Variants in SEMA6D observed in about 807,000 individuals in gnomAD.
SEMA6D encodes the protein semaphorin 6D.
A neutral mutation model predicts 106.6 loss-of-function variants in SEMA6D; 35 were observed. The observed-to-expected ratio is 0.33, with a 90% CI of 0.25 to 0.44. The LOEUF is 0.44. Among genes scored for constraint, SEMA6D ranks in the 20% least tolerant of loss-of-function variants. The pLI is 1.00. For synonymous variants in SEMA6D, 499 were observed against 487.7 expected (o/e 1.02, Z -0.31); for missense variants, 1,185 against 1,345.9 (o/e 0.88, Z 1.87).
chr15:47,454,365 T>C (rs777331793), intron 2 of SEMA6D, among the ~76,000 whole-genome samples: 1 of 152,110 alleles, frequency 6.6e-6, no homozygotes, highest in East Asian at 1.9e-4. Context: ...TTTATTCTTC[T>C]GGTACCAGAA....
chr15:47,732,030 G>A (rs182318112), intron 1 of SEMA6D, among the ~76,000 whole-genome samples: 1 of 152,262 alleles, frequency 6.6e-6, no homozygotes, highest in African/African-American at 2.4e-5. Context: ...TTCCTTTTCT[G>A]TAAAATGGAG....
intron 2 of SEMA6D, among the ~76,000 whole-genome samples, chr15:47,435,767 A>G (rs978239153): frequency 1.3e-4 from 20 of 152,118 alleles, no homozygotes; most frequent in African/African-American, 4.8e-4. Context: ...AAGAAAAATC[A>G]TGTTTTGGGC....
chr15:47,216,717 A>G (rs1238381314), intron 1 of SEMA6D, among the ~76,000 whole-genome samples: 1 of 152,208 alleles, frequency 6.6e-6, no homozygotes, highest in East Asian at 1.9e-4. Context: ...ATACTTGAAA[A>G]ATACAAACAA....
intron 3 of SEMA6D, among the ~76,000 whole-genome samples, chr15:47,593,939 C>G (rs1178778934): frequency 2.0e-5 from 3 of 152,186 alleles, no homozygotes; most frequent in Non-Finnish European, 4.4e-5. Context: ...CCCTCATGAG[C>G]TAGTCAGCTC....
chr15:47,192,543 G>T (rs1004231847), intron 1 of SEMA6D, among the ~76,000 whole-genome samples: 1 of 152,018 alleles, frequency 6.6e-6, no homozygotes, highest in Non-Finnish European at 1.5e-5. Context: ...TCTGCCCAAA[G>T]ATGGGAAAAA....
At chr15:47,454,849 G>A (rs547062676) in intron 2 of SEMA6D, among the ~76,000 whole-genome samples, 2 of 151,978 alleles carry the variant, frequency 1.3e-5, no homozygotes, top group East Asian at 3.9e-4. Context: ...GGACTCAGTG[G>A]TTTTGAGCCC....
chr15:47,366,194 A>C (rs1030993826), intron 1 of SEMA6D, among the ~76,000 whole-genome samples: 3 of 152,196 alleles, frequency 2.0e-5, no homozygotes, highest in Non-Finnish European at 1.5e-5. Flanking sequence ...CACAGCTCTT[A>C]GTCTATTTGT....
intron 4 of SEMA6D, among the ~76,000 whole-genome samples, chr15:47,627,289 A>C (rs1035960385): frequency 2.6e-5 from 4 of 152,160 alleles, no homozygotes; most frequent in African/African-American, 9.7e-5. Context: ...GCTGCTTTGA[A>C]ATCAGTCTAG....
intron 1 of SEMA6D, among the ~76,000 whole-genome samples, chr15:47,351,425 ATC>A (rs1325204432): frequency 1.7e-4 from 26 of 152,286 alleles, no homozygotes; most frequent in African/African-American, 5.8e-4. Context: ...TAAATATTAA[ATC>A]TGTGTTCTTT....
intron 1 of SEMA6D, among the ~76,000 whole-genome samples, chr15:47,320,118 C>T (rs1175294165): frequency 2.0e-5 from 3 of 152,130 alleles, no homozygotes; most frequent in Non-Finnish European, 4.4e-5. Flanking sequence ...ATCTTTCAAG[C>T]TCCTTACACC....
At chr15:47,294,710 C>T (rs375684934) in intron 1 of SEMA6D, among the ~76,000 whole-genome samples, 30 of 152,220 alleles carry the variant, frequency 2.0e-4, no homozygotes, top group African/African-American at 6.7e-4. Context: ...CCTCTGGGTC[C>T]CTTCCTGCAG....
At chr15:47,226,187 A>G (rs62013976) in intron 1 of SEMA6D, among the ~76,000 whole-genome samples, 1,864 of 152,166 alleles carry the variant, frequency 0.012, 56 homozygotes, top group Admixed American at 0.013. Context: ...AGGAATGTCA[A>G]AAATTTCCAG....
chr15:47,343,247 T>TA (rs879603966), intron 1 of SEMA6D, among the ~76,000 whole-genome samples: 9,390 of 141,136 alleles, frequency 0.067, 390 homozygotes, highest in Admixed American at 0.086. Flanking sequence ...TTAGTTGGAT[T>TA]TTTATTATTA....
At chr15:47,707,776 A>G (rs1325597505) in intron 4 of SEMA6D, among the ~76,000 whole-genome samples, 2 of 152,114 alleles carry the variant, frequency 1.3e-5, no homozygotes, top group African/African-American at 4.8e-5. Context: ...CTGTGTAATA[A>G]TTTCCAATTT....
chr15:47,716,087 C>T (rs1457985541), upstream of SEMA6D, among the ~76,000 whole-genome samples: 1 of 152,136 alleles, frequency 6.6e-6, no homozygotes, highest in Non-Finnish European at 1.5e-5. Context: ...ACTAGCCGGC[C>T]AACAAAAGAC....
intron 1 of SEMA6D, among the ~76,000 whole-genome samples, chr15:47,327,725 A>T (rs7497188): frequency 0.46 from 70,254 of 151,996 alleles, 19,577 homozygotes; most frequent in South Asian, 0.61. Context: ...GGACTGGGAA[A>T]TACCGTTGGT....
rs76712854 is a variant in SEMA6D, at chr15:47,585,708, C to A, written c.-86-15157C>A. On this transcript the variant is annotated intron_variant, in intron 3 of 19. Coordinates refer to the SEMA6D transcript ENST00000558014. ...TCAATAATACTATTGATAACAATAACAAAAATTGATCCATCATTTACTATG... is the reference window on the plus strand; with the variant it reads ...TCAATAATACTATTGATAACAATAAAAAAAATTGATCCATCATTTACTATG... Among the ~76,000 whole-genome samples, 12 of 152,276 alleles carry A rather than the reference C, an allele frequency of 7.9e-5. No individual in the cohort carries two copies. In the East Asian group the frequency reaches 2.3e-3, roughly 29 times the overall value.
At chr15:47,373,905 A>G (rs896776328) in intron 1 of SEMA6D, among the ~76,000 whole-genome samples, 2 of 152,144 alleles carry the variant, frequency 1.3e-5, no homozygotes, top group East Asian at 3.9e-4. Flanking sequence ...GGTTTCTCTC[A>G]TTTCACTGGG....
At chr15:47,423,246 C>A (rs894429495) in intron 2 of SEMA6D, among the ~76,000 whole-genome samples, 1 of 151,800 alleles carries the variant, frequency 6.6e-6, no homozygotes, top group African/African-American at 2.4e-5. Context: ...GCTTTGCACA[C>A]CAAAAATAGA....
Sources: gnomAD v4.1 joint callset for allele counts (sites outside exome capture counted in the v4.1 genomes callset) on GRCh38, gnomAD v4.1.1 for gene constraint, MANE v1.5 for transcripts, NCBI Gene and HGNC (gene_info 2026-07-23, HGNC 2026-07-21) for gene names.